The following PTPN3 variants were observed in gnomAD, a reference collection of about 807,000 sequenced individuals.
PTPN3 encodes the protein protein tyrosine phosphatase non-receptor type 3, also known as tyrosine-protein phosphatase non-receptor type 3.
A neutral mutation model predicts 132.7 loss-of-function variants in PTPN3; 96 were observed. The ratio of observed to expected loss-of-function variants is 0.72; its 90% confidence interval spans 0.61 to 0.86. The LOEUF is 0.86. Ranked by LOEUF, PTPN3 falls within the 40% of genes least tolerant of loss-of-function variation. The probability of loss-of-function intolerance (pLI) is 0.00; values close to 1 mark genes in which losing one functional copy is unlikely to be tolerated. For missense variants in PTPN3, 1,125 were observed against 1,159.6 expected (o/e 0.97, Z 0.43); for synonymous variants, 398 against 429.0 (o/e 0.93, Z 0.89).
At chr9:109,504,456 C>T in the PTPN3 span, among the ~76,000 whole-genome samples, 2 of 152,190 alleles carry the variant, frequency 1.3e-5, no homozygotes, top group East Asian at 3.8e-4. Flanking sequence ...AACACAGATT[C>T]AAATAAGGGA....
At chr9:109,403,403 T>C (rs1254477171) in intron 19 of PTPN3, among the ~76,000 whole-genome samples, 1 of 152,250 alleles carries the variant, frequency 6.6e-6, no homozygotes, top group Non-Finnish European at 1.5e-5. Flanking sequence ...TTGAGTCCCA[T>C]GTGACTCTCT....
At chr9:109,420,077 G>A (rs540255977) in intron 14 of PTPN3, among the ~76,000 whole-genome samples, 30 of 152,300 alleles carry the variant, frequency 2.0e-4, no homozygotes, top group African/African-American at 3.1e-4. Context: ...AGAAATCAGA[G>A]TTAGCATGGC....
the PTPN3 span, among the ~76,000 whole-genome samples, chr9:109,534,648 AAAAAAT>A: frequency 2.7e-5 from 4 of 150,096 alleles, no homozygotes; most frequent in East Asian, 3.9e-4. Flanking sequence ...AAAAAAAAAA[AAAAAAT>A]ACCTGGGCGT....
At chr9:109,409,634 A>G (rs1000791826) in intron 16 of PTPN3, among the ~76,000 whole-genome samples, 1 of 152,118 alleles carries the variant, frequency 6.6e-6, no homozygotes, top group Non-Finnish European at 1.5e-5. Flanking sequence ...AGCTTGGACA[A>G]CATGGTGAAA....
At chr9:109,417,754 C>T (rs1049056473) in intron 14 of PTPN3, 47 of 985,220 alleles carry the variant, frequency 4.8e-5, no homozygotes, top group Non-Finnish European at 5.5e-5. Flanking sequence ...ACTAACTTGA[C>T]CCCCTGACAT....
chr9:109,500,348 C>T (rs369161063), upstream of PTPN3, among the ~76,000 whole-genome samples: 4 of 152,188 alleles, frequency 2.6e-5, no homozygotes, highest in African/African-American at 9.6e-5. Context: ...CCACAGCTAA[C>T]AGCTGTTAGC....
At chr9:109,405,635 G>A (rs1446979138) in intron 18 of PTPN3, among the ~76,000 whole-genome samples, 1 of 152,174 alleles carries the variant, frequency 6.6e-6, no homozygotes, top group Non-Finnish European at 1.5e-5. Context: ...TGTCACCCAG[G>A]CTGGAGTGTA....
At chr9:109,506,523 C>T in the PTPN3 span, among the ~76,000 whole-genome samples, 9 of 151,164 alleles carry the variant, frequency 6.0e-5, no homozygotes, top group Non-Finnish European at 1.3e-4. Flanking sequence ...TTCTTTCCTT[C>T]CTTCCTCCCT....
chr9:109,455,040 C>T (rs1845489023), intron 4 of PTPN3, among the ~76,000 whole-genome samples: 1 of 152,094 alleles, frequency 6.6e-6, no homozygotes, highest in Non-Finnish European at 1.5e-5. Flanking sequence ...TACAGATAAG[C>T]CAATTAGAGG....
At chr9:109,444,504 T>C (rs530435213) in intron 7 of PTPN3, among the ~76,000 whole-genome samples, 1 of 152,196 alleles carries the variant, frequency 6.6e-6, no homozygotes, top group Non-Finnish European at 1.5e-5. Flanking sequence ...ACCGTCAGTG[T>C]AAAATCCAGA....
intron 10 of PTPN3, among the ~76,000 whole-genome samples, chr9:109,430,454 C>G (rs908545837): frequency 2.6e-5 from 4 of 152,098 alleles, no homozygotes; most frequent in African/African-American, 4.8e-5. Context: ...CCTGAGCTGT[C>G]AAATCTGATT....
chr9:109,484,620 T>C (rs1218717849), intron 1 of PTPN3, among the ~76,000 whole-genome samples: 2 of 152,200 alleles, frequency 1.3e-5, no homozygotes, highest in Non-Finnish European at 2.9e-5. Flanking sequence ...AGTGGTGGAC[T>C]GAGGTGCCTG....
chr9:109,450,180 A>G, intron 5 of PTPN3: 1 of 985,168 alleles, frequency 1.0e-6, no homozygotes, highest in Non-Finnish European at 1.2e-6. Flanking sequence ...ATAATTAACT[A>G]CCCACAATGT....
chr9:109,505,413 G>T, the PTPN3 span, among the ~76,000 whole-genome samples: 1 of 151,882 alleles, frequency 6.6e-6, no homozygotes, highest in African/African-American at 2.4e-5. Context: ...GCTGGGACTA[G>T]AGGCGCATGC....
the PTPN3 span, among the ~76,000 whole-genome samples, chr9:109,515,479 C>T: frequency 6.6e-6 from 1 of 152,224 alleles, no homozygotes. Flanking sequence ...TACATCATCA[C>T]CTGAGAAGCC....
chr9:109,504,001 G>A, the PTPN3 span, among the ~76,000 whole-genome samples: 1 of 152,204 alleles, frequency 6.6e-6, no homozygotes, highest in Non-Finnish European at 1.5e-5. Context: ...TAAATGAATT[G>A]TAAAAAGAGC....
chr9:109,458,097 C>T (rs1175727838), intron 2 of PTPN3, among the ~76,000 whole-genome samples: 3 of 152,226 alleles, frequency 2.0e-5, no homozygotes, highest in Non-Finnish European at 4.4e-5. Context: ...AAGAAGCTCC[C>T]TTTTCCTGCC....
Position 109,376,864 on chromosome 9 carries a change from C to T in PTPN3, c.*2692G>A, listed in dbSNP as rs988249045. 6.6e-6 allele frequency: 1 copy of T among 152,142 alleles called. No individual in the cohort carries two copies. The highest frequency in any genetic ancestry group is 1.9e-4 in the East Asian group (1 of 5,196). 9.4% of individuals were successfully genotyped at this position (152,142 alleles called of 1,614,324 possible). On this transcript the variant is annotated 3_prime_UTR_variant, in exon 26 of 26. Transcript: ENST00000374541. ...GGTAATTCTCTTGTCTTGTTCTTCC[C>T]AGTATTTCCTGGATTTGTTCCTGGC...
chr9:109,458,888 G>A (rs1174905875), intron 2 of PTPN3, among the ~76,000 whole-genome samples: 1 of 151,980 alleles, frequency 6.6e-6, no homozygotes, highest in Non-Finnish European at 1.5e-5. Context: ...CATCTACAAG[G>A]AGCCAGACAT....
Sources: gnomAD v4.1 joint callset for allele counts (sites outside exome capture counted in the v4.1 genomes callset) on GRCh38, gnomAD v4.1.1 for gene constraint, MANE v1.5 for transcripts, NCBI Gene and HGNC (gene_info 2026-07-23, HGNC 2026-07-21) for gene names.